Variants in DDX43 observed in about 807,000 individuals in gnomAD.
The protein encoded by DDX43 is DEAD-box helicase 43, also known as probable ATP-dependent RNA helicase DDX43.
DDX43 carries 50 observed loss-of-function variants against 84.9 expected under a neutral mutation model. That is an observed-to-expected ratio of 0.59 (90% CI 0.47 to 0.75). The LOEUF (loss-of-function observed/expected upper bound fraction) is 0.75, where lower values mean the gene tolerates loss of function less well. Among genes scored for constraint, DDX43 ranks in the 30% least tolerant of loss-of-function variants. DDX43 has a pLI of 0.00. For missense variants in DDX43, 689 were observed against 798.6 expected (o/e 0.86, Z 1.65); for synonymous variants, 291 against 266.3 (o/e 1.09, Z -0.90).
chr6:73,416,230 C>T lies in DDX43; in HGVS notation c.*4C>T. The T allele has an allele frequency of 6.9e-7, 1 of 1,458,684 alleles. No individual in the cohort carries two copies. Among genetic ancestry groups the T allele is most frequent in the Non-Finnish European group, 9.6e-7 (1 of 1,038,828 alleles). 90.4% of individuals were successfully genotyped at this position (1,458,684 alleles called of 1,614,324 possible). ...AAGGCCCAAGAAGTTTCATTAATGTCTTCTGTACTAGTGGGGTAGAGGTAA... is the reference window on the plus strand; with the variant it reads ...AAGGCCCAAGAAGTTTCATTAATGTTTTCTGTACTAGTGGGGTAGAGGTAA... On this transcript the variant is annotated 3_prime_UTR_variant, in exon 16 of 17. Coordinates refer to ENST00000370336, the MANE Select transcript of DDX43 (RefSeq NM_018665.3).
chr6:73,412,662 T>C lies in DDX43; in HGVS notation c.1368+370T>C, dbSNP rs758966547. On this transcript the variant is annotated intron_variant, in intron 11 of 16. Transcript: ENST00000370336. Reference sequence around the variant, plus strand: ...TAGTGTGTGTGTGTGTGTGTGTGTGTGTGTGTGCGCGCGCGCGTGTGTGTG... The same window carrying C: ...TAGTGTGTGTGTGTGTGTGTGTGTGCGTGTGTGCGCGCGCGCGTGTGTGTG... Among the ~76,000 whole-genome samples, 355 of 86,714 alleles carry C rather than the reference T, an allele frequency of 4.1e-3. 9 individuals carry two copies. The highest frequency in any genetic ancestry group is 5.7e-3 in the Non-Finnish European group (237 of 41,828). 56.9% of individuals were successfully genotyped at this position (86,714 alleles called of 152,430 possible). A position where few individuals can be genotyped will look rare whatever the true frequency, so the allele number is the denominator to read the frequency against.
chr6:73,399,863 G>A (rs1769534161), intron 2 of DDX43, among the ~76,000 whole-genome samples: 1 of 152,148 alleles, frequency 6.6e-6, no homozygotes, highest in South Asian at 2.1e-4. Flanking sequence ...CTACAATTCT[G>A]TAAAATTAGC....
chr6:73,412,291 T>C lies in DDX43; in HGVS notation c.1367T>C (p.Val456Ala), dbSNP rs200791893. ...GTCTATGTTGGTACATTGGATCTAG[T>C]TGTAAGCTTTTTTTTATTACTATTG... The part of the protein sequence containing the change: ...MIVYVGTLDL[V>A]AVSSVKQNII... The change falls in exon 11 of 17, where the codon GTT (valine) becomes GCT (alanine). Residue 456 changes from valine to alanine, a missense_variant and splice_region_variant. By Grantham distance (64) the Val-to-Ala change is moderately conservative. Coordinates refer to ENST00000370336, the MANE Select transcript of DDX43 (RefSeq NM_018665.3). The C allele has an allele frequency of 6.3e-7, 1 of 1,598,132 alleles. No individual in the cohort carries two copies. The highest frequency in any genetic ancestry group is 8.5e-7 in the Non-Finnish European group (1 of 1,175,058).
At chr6:73,413,351 T>C (rs1156929813) in intron 11 of DDX43, among the ~76,000 whole-genome samples, 1 of 152,146 alleles carries the variant, frequency 6.6e-6, no homozygotes, top group Non-Finnish European at 1.5e-5. Flanking sequence ...TTAGCGACAT[T>C]GCGCCACTGC....
chr6:73,402,493 G>A (rs1200850359), intron 4 of DDX43, among the ~76,000 whole-genome samples: 3 of 152,184 alleles, frequency 2.0e-5, no homozygotes, highest in Non-Finnish European at 4.4e-5. Flanking sequence ...GGCTAGTCTC[G>A]AACTCCTGGC....
intron 2 of DDX43, among the ~76,000 whole-genome samples, chr6:73,399,620 T>C (rs1769531204): frequency 6.6e-6 from 1 of 152,214 alleles, no homozygotes; most frequent in Non-Finnish European, 1.5e-5. Flanking sequence ...AGACAAAATT[T>C]GGTGTATAGT....
At chr6:73,414,726 A>G (rs770862994) in intron 14 of DDX43, 40 bp downstream of exon 14, 3 of 1,554,266 alleles carry the variant, frequency 1.9e-6, no homozygotes, top group Non-Finnish European at 2.6e-6. Flanking sequence ...CCAATTCTAG[A>G]TTCTCCTTAT....
At chr6:73,398,563 TC>T (rs150896812) in intron 2 of DDX43, among the ~76,000 whole-genome samples, 4,852 of 152,112 alleles carry the variant, frequency 0.032, 272 homozygotes, top group African/African-American at 0.11. Flanking sequence ...GAGGTAAAAA[TC>T]GTTAGAGATA....
chr6:73,396,500 A>G (rs1393381086), intron 1 of DDX43, among the ~76,000 whole-genome samples: 5 of 152,224 alleles, frequency 3.3e-5, no homozygotes, highest in Admixed American at 6.5e-5. Context: ...CAAGAAAGAA[A>G]GCCACTAGGT....
Position 73,415,511 on chromosome 6 carries a change from C to T in DDX43, c.1760C>T (p.Ser587Phe), listed in dbSNP as rs1394324671. 6.2e-7 allele frequency: 1 copy of T among 1,612,652 alleles called. No individual in the cohort carries two copies. Among genetic ancestry groups the T allele is most frequent in the Non-Finnish European group, 8.5e-7 (1 of 1,178,996 alleles). ...CCACACTAAAGGAGGACTGGTGTTT[C>T]CATTACAACTTTGACTAGAAATGAT... The part of the protein sequence containing the change: ...RTGRAGRTGV[S>F]ITTLTRNDWR... Residue 587 changes from serine to phenylalanine, a missense_variant, in exon 15 of 17, where the codon TCC (serine) becomes TTC (phenylalanine). Transcript: ENST00000370336.
rs962351288 is a variant in DDX43, at chr6:73,400,245, A to T, written c.318A>T (p.Glu106Asp). The T allele has an allele frequency of 1.2e-6, 2 of 1,602,860 alleles. No individual in the cohort carries two copies. Among genetic ancestry groups the T allele is most frequent in the African/African-American group, 2.7e-5 (2 of 74,242 alleles). The change falls in exon 3 of 17, where the codon GAA becomes GAT. Residue 106 changes from glutamate to aspartate, a missense_variant. This residue lies in a region of DDX43 where 552 missense variants were observed against 692.7 expected (regional missense o/e 0.80). Transcript: ENST00000370336. ...TTNTTIQIIQ[E>D]QPESLVKIFG... is the part of the protein sequence containing the mutation. ...CCCCTTGTACCTAGATAATACAAGA[A>T]CAACCAGAATCATTAGTCAAAATTT...
intron 16 of DDX43, 105 bp downstream of exon 16, chr6:73,416,356 A>G: frequency 1.7e-6 from 1 of 592,576 alleles, no homozygotes; most frequent in Non-Finnish European, 3.0e-6. Context: ...CATTAACATA[A>G]TAAACTAGGT....
chr6:73,407,115 T>C (rs992020105), intron 7 of DDX43: 1 of 162,664 alleles, frequency 6.1e-6, no homozygotes, highest in Non-Finnish European at 1.3e-5. Flanking sequence ...CTGATACTCA[T>C]TGCTACAAAT....
At chr6:73,416,804 C>T (rs893502482) in intron 16 of DDX43, among the ~76,000 whole-genome samples, 1 of 152,136 alleles carries the variant, frequency 6.6e-6, no homozygotes, top group Admixed American at 6.6e-5. Flanking sequence ...TTTGGGAGGC[C>T]AAGGCAGGCG....
At chr6:73,398,980 C>CT (rs1769521775) in intron 2 of DDX43, among the ~76,000 whole-genome samples, 2 of 152,168 alleles carry the variant, frequency 1.3e-5, no homozygotes, top group African/African-American at 4.8e-5. Flanking sequence ...GAGTCTTGCT[C>CT]TGTCGCCCAG....
chr6:73,395,145 C>T lies in DDX43; in HGVS notation c.240C>T (p.Gly80=). ...LCFALKSHFV[G]AVIGRGGSKI... ...TTGCTTTGAAGAGCCACTTTGTTGG[C>T]GCGGTAATCGGTGAGAATGGGAGTG... The change falls in exon 1 of 17, where the codon GGC becomes GGT. Residue 80 remains glycine (G), a synonymous_variant. Coordinates refer to ENST00000370336, the MANE Select transcript of DDX43 (RefSeq NM_018665.3). 3.1e-6 allele frequency: 5 copies of T among 1,611,618 alleles called. No homozygotes were observed. The highest frequency in any genetic ancestry group is 3.4e-6 in the Non-Finnish European group (4 of 1,178,884).
chr6:73,412,732 T>C (rs1391687991), intron 11 of DDX43, among the ~76,000 whole-genome samples: 4 of 145,264 alleles, frequency 2.8e-5, no homozygotes, highest in African/African-American at 1.0e-4. Flanking sequence ...ATATAGCGTG[T>C]GTGTGTGTGT....
chr6:73,395,971 ATT>A (rs879393171), intron 1 of DDX43, among the ~76,000 whole-genome samples: 7 of 140,706 alleles, frequency 5.0e-5, no homozygotes, highest in Non-Finnish European at 1.6e-5. Flanking sequence ...CTTTCTTTTG[ATT>A]TTTTTTTTTT....
intron 2 of DDX43, among the ~76,000 whole-genome samples, chr6:73,398,786 A>C (rs888265309): frequency 6.6e-6 from 1 of 152,126 alleles, no homozygotes; most frequent in East Asian, 1.9e-4. Flanking sequence ...TAATCTGACT[A>C]TCCACATTGG....
Sources: gnomAD v4.1 joint callset for allele counts (sites outside exome capture counted in the v4.1 genomes callset) on GRCh38, gnomAD v4.1.1 for gene constraint, gnomAD v4.1.1 regional missense constraint, MANE v1.5 for transcripts, NCBI Gene and HGNC (gene_info 2026-07-23, HGNC 2026-07-21) for gene names.